DTWD2: variants seen among roughly 807,000 people sequenced by gnomAD.
The protein encoded by DTWD2 is DTW motif tRNA-uridine aminocarboxypropyltransferase 2, also known as tRNA-uridine aminocarboxypropyltransferase 2.
In DTWD2, 39 loss-of-function variants were observed where a neutral mutation model predicts 31.8. The observed-to-expected ratio is 1.22, with a 90% CI of 0.95 to 1.60. The LOEUF is 1.60. Ranked by LOEUF, DTWD2 falls within the 40% of genes most tolerant of loss-of-function variation. The pLI is 0.00. For synonymous variants in DTWD2, 180 were observed against 142.8 expected (o/e 1.26, Z -1.86); for missense variants, 515 against 381.5 (o/e 1.35, Z -2.92).
At chr5:118,975,965 G>A (rs944442687) in intron 1 of DTWD2, among the ~76,000 whole-genome samples, 2 of 152,134 alleles carry the variant, frequency 1.3e-5, no homozygotes, top group African/African-American at 4.8e-5. Flanking sequence ...TTCAGCAAAT[G>A]CAAAAGAATG....
At chr5:118,961,011 T>A (rs1754693681) in intron 1 of DTWD2, among the ~76,000 whole-genome samples, 1 of 151,706 alleles carries the variant, frequency 6.6e-6, no homozygotes, top group Non-Finnish European at 1.5e-5. Context: ...AATATGTACA[T>A]AAAACCCCCA....
chr5:118,952,177 C>T (rs768778851), intron 1 of DTWD2, among the ~76,000 whole-genome samples: 28 of 152,066 alleles, frequency 1.8e-4, no homozygotes, highest in East Asian at 1.9e-4. Flanking sequence ...GACCAGAGGT[C>T]GTAGATGGAT....
At chr5:118,912,979 C>A (rs1307604444) in intron 4 of DTWD2, among the ~76,000 whole-genome samples, 2 of 152,196 alleles carry the variant, frequency 1.3e-5, no homozygotes, top group Non-Finnish European at 2.9e-5. Flanking sequence ...AAAGTCAACA[C>A]TCGGTGCTGA....
intron 4 of DTWD2, among the ~76,000 whole-genome samples, chr5:118,920,542 C>A (rs1342140001): frequency 6.6e-6 from 1 of 152,064 alleles, no homozygotes; most frequent in African/African-American, 2.4e-5. Context: ...TAAGAAAATG[C>A]ACATCTTCCT....
chr5:118,927,265 G>C (rs1753829251), intron 4 of DTWD2, among the ~76,000 whole-genome samples: 1 of 150,274 alleles, frequency 6.7e-6, no homozygotes, highest in Non-Finnish European at 1.5e-5. Context: ...GGGGTCGGGG[G>C]AGGGACAGGG....
intron 1 of DTWD2, chr5:118,974,622 T>C (rs745316902): frequency 1.6e-5 from 8 of 505,324 alleles, no homozygotes; most frequent in East Asian, 5.5e-5. Flanking sequence ...TTTTTGTGTA[T>C]GTACTTAGCT....
At chr5:118,981,532 C>T (rs921874554) in intron 1 of DTWD2, among the ~76,000 whole-genome samples, 4 of 139,362 alleles carry the variant, frequency 2.9e-5, no homozygotes, top group African/African-American at 1.0e-4. Flanking sequence ...AGCAAACAAA[C>T]AATAAACTCA....
chr5:118,903,646 C>A (rs1753264875), intron 4 of DTWD2, among the ~76,000 whole-genome samples: 1 of 151,884 alleles, frequency 6.6e-6, no homozygotes, highest in African/African-American at 2.4e-5. Flanking sequence ...ATTCTTACCA[C>A]CCACATATGT....
chr5:118,841,596 G>A (rs1402298401), intron 5 of DTWD2, among the ~76,000 whole-genome samples: 3 of 152,130 alleles, frequency 2.0e-5, no homozygotes, highest in African/African-American at 7.2e-5. Flanking sequence ...TAGATGCCCA[G>A]GTCTTGGTGC....
chr5:118,895,575 C>G (rs1036123045), intron 4 of DTWD2, among the ~76,000 whole-genome samples: 2 of 152,160 alleles, frequency 1.3e-5, no homozygotes, highest in African/African-American at 4.8e-5. Flanking sequence ...GCAAGAACAA[C>G]AAAGCTGAAG....
intron 2 of DTWD2, among the ~76,000 whole-genome samples, chr5:118,944,164 G>C (rs186557507): frequency 6.6e-6 from 1 of 152,068 alleles, no homozygotes; most frequent in Admixed American, 6.6e-5. Flanking sequence ...CATTCACTTT[G>C]TAAGAGTAAA....
intron 4 of DTWD2, among the ~76,000 whole-genome samples, chr5:118,876,640 G>A (rs1289832739): frequency 9.2e-5 from 14 of 152,172 alleles, no homozygotes; most frequent in Admixed American, 6.5e-4. Flanking sequence ...TAAAAGAAAT[G>A]GATACATTCC....
chr5:118,968,563 G>A (rs1754906739), intron 1 of DTWD2, among the ~76,000 whole-genome samples: 1 of 152,198 alleles, frequency 6.6e-6, no homozygotes, highest in African/African-American at 2.4e-5. Context: ...AAGGGAGGCA[G>A]TGAGTGTGCG....
intron 4 of DTWD2, among the ~76,000 whole-genome samples, chr5:118,888,343 G>A (rs1450014355): frequency 6.6e-6 from 1 of 152,098 alleles, no homozygotes; most frequent in African/African-American, 2.4e-5. Flanking sequence ...TTATATAAAT[G>A]AAATTATACA....
intron 4 of DTWD2, among the ~76,000 whole-genome samples, chr5:118,919,354 C>T (rs1753650865): frequency 6.6e-6 from 1 of 152,200 alleles, no homozygotes; most frequent in South Asian, 2.1e-4. Flanking sequence ...AAAACGGTCT[C>T]TAGGTTTTTA....
rs767269678 is a variant in DTWD2 at position 118,988,494 on chromosome 5, C to T, written c.18G>A (p.Glu6=). The T allele has an allele frequency of 3.8e-6, 6 of 1,583,678 alleles. No homozygotes were observed. The highest frequency in any genetic ancestry group is 5.1e-6 in the Non-Finnish European group (6 of 1,167,324). ...CAACGGGCTCCTGGAGTGTTCGTGC[C>T]TCTTTCTGCGACTCCATGGCGGACA... MESQK[E]ARTLQEPVAR... is the part of the protein sequence containing the mutation. Residue 6 remains glutamate (E), a synonymous_variant, in exon 1 of 6, where the codon GAG becomes GAA. Transcript: ENST00000510708.
chr5:118,957,495 C>G (rs1754612490), intron 1 of DTWD2, among the ~76,000 whole-genome samples: 1 of 152,176 alleles, frequency 6.6e-6, no homozygotes, highest in African/African-American at 2.4e-5. Context: ...GCTGGGATTA[C>G]AGGTGTGAGC....
intron 1 of DTWD2, chr5:118,988,070 C>T (rs1755468476): frequency 1.4e-6 from 1 of 717,760 alleles, no homozygotes; most frequent in African/African-American, 1.7e-5. Context: ...CCATGATACG[C>T]TCAGCATATT....
chr5:118,955,790 CT>C (rs1754571092), intron 1 of DTWD2, among the ~76,000 whole-genome samples: 1 of 151,058 alleles, frequency 6.6e-6, no homozygotes, highest in South Asian at 2.1e-4. Context: ...AGCAAGACCC[CT>C]ATCTCTTAAA....
Sources: gnomAD v4.1 joint callset for allele counts (sites outside exome capture counted in the v4.1 genomes callset) on GRCh38, gnomAD v4.1.1 for gene constraint, MANE v1.5 for transcripts, NCBI Gene and HGNC (gene_info 2026-07-23, HGNC 2026-07-21) for gene names.